Variants in MARCO observed in about 807,000 individuals in gnomAD.
The protein encoded by MARCO is macrophage receptor with collagenous structure.
A neutral mutation model predicts 70.0 loss-of-function variants in MARCO; 72 were observed. The observed-to-expected ratio is 1.03, with a 90% CI of 0.85 to 1.25. MARCO has a LOEUF of 1.25. Among genes scored for constraint, MARCO ranks in the 50% most tolerant of loss-of-function variants. MARCO has a pLI of 0.00. For synonymous variants in MARCO, 273 were observed against 243.1 expected, an observed-to-expected ratio of 1.12 and a Z score of -1.14; for missense variants, 696 against 659.3, an observed-to-expected ratio of 1.06 and a Z score of -0.61.
chr2:118,949,132 C>A (rs1679667678), intron 1 of MARCO, among the ~76,000 whole-genome samples: 1 of 152,108 alleles, frequency 6.6e-6, no homozygotes, highest in Non-Finnish European at 1.5e-5. Context: ...GGGTGTTGAA[C>A]TTCAGGAAAT....
chr2:118,990,054 T>C, intron 12 of MARCO, among the ~76,000 whole-genome samples: 1 of 152,172 alleles, frequency 6.6e-6, no homozygotes, highest in East Asian at 1.9e-4. Flanking sequence ...CTGTGGTTAT[T>C]ATTTTTCCAT....
intron 1 of MARCO, among the ~76,000 whole-genome samples, chr2:118,963,845 T>C (rs1445060364): frequency 6.6e-6 from 1 of 152,206 alleles, no homozygotes; most frequent in Non-Finnish European, 1.5e-5. Context: ...AGACCATTTA[T>C]ACCGAAAGTA....
intron 12 of MARCO, among the ~76,000 whole-genome samples, chr2:118,985,230 TG>T (rs1680461410): frequency 6.6e-6 from 1 of 152,202 alleles, no homozygotes; most frequent in African/African-American, 2.4e-5. Flanking sequence ...ATTCCAGAGT[TG>T]TGCTTTTCCA....
intron 6 of MARCO, among the ~76,000 whole-genome samples, chr2:118,975,149 G>T (rs890502158): frequency 6.6e-6 from 1 of 152,120 alleles, no homozygotes; most frequent in Non-Finnish European, 1.5e-5. Context: ...TAATATAAAT[G>T]GGTTCACGGG....
chr2:118,949,299 C>T (rs570809839), intron 1 of MARCO: 2 of 152,214 alleles, frequency 1.3e-5, no homozygotes, highest in South Asian at 4.1e-4. Flanking sequence ...GTAGCAGTCA[C>T]TTTTGTTTAA....
chr2:118,945,100 G>A (rs1679570691), intron 1 of MARCO, among the ~76,000 whole-genome samples: 1 of 152,116 alleles, frequency 6.6e-6, no homozygotes, highest in Non-Finnish European at 1.5e-5. Flanking sequence ...GTTGGCTTCT[G>A]TGGCCCTCAG....
Position 118,994,628 on chromosome 2 carries a change from G to A in MARCO, c.*108G>A, listed in dbSNP as rs1402936923. The A allele has an allele frequency of 1.8e-6, 2 of 1,116,960 alleles. No homozygotes were observed. The highest frequency in any genetic ancestry group is 3.1e-5 in the African/African-American group (2 of 63,846). The allele number at this position is 1,116,960 out of a possible 1,614,324, so 69.2% of individuals were successfully genotyped here. A position where few individuals can be genotyped will look rare whatever the true frequency, so the allele number is the denominator to read the frequency against. On this transcript the variant is annotated 3_prime_UTR_variant, in exon 17 of 17. Coordinates refer to ENST00000327097, the MANE Select transcript of MARCO (RefSeq NM_006770.4). ...TGGGGACAACTGAGCAGCCTCTGGA[G>A]AGGGGCCATTAATAAAGCTCAACAT...
At chr2:118,943,334 G>A (rs17180600) in intron 1 of MARCO, among the ~76,000 whole-genome samples, 10,817 of 152,280 alleles carry the variant, frequency 0.071, 518 homozygotes, top group Middle Eastern at 0.11. Context: ...ATAATCATTG[G>A]CTATTTAGAA....
intron 1 of MARCO, among the ~76,000 whole-genome samples, chr2:118,957,219 C>G (rs917375329): frequency 6.6e-6 from 1 of 151,736 alleles, no homozygotes; most frequent in African/African-American, 2.4e-5. Flanking sequence ...AAAATATAAA[C>G]AAAATTGATA....
chr2:118,951,931 G>A (rs539617857), intron 1 of MARCO, among the ~76,000 whole-genome samples: 17 of 148,546 alleles, frequency 1.1e-4, no homozygotes, highest in East Asian at 7.9e-4. Flanking sequence ...TTGTCTCTCC[G>A]CCTCTCTCTC....
chr2:118,954,953 T>G (rs1441665686), intron 1 of MARCO, among the ~76,000 whole-genome samples: 1 of 151,700 alleles, frequency 6.6e-6, no homozygotes, highest in Non-Finnish European at 1.5e-5. Context: ...TAACAGAACC[T>G]ACCCAAATGA....
intron 12 of MARCO, among the ~76,000 whole-genome samples, chr2:118,987,770 G>C (rs1188499075): frequency 2.0e-5 from 3 of 152,216 alleles, no homozygotes; most frequent in Admixed American, 2.0e-4. Context: ...AGTGACTCCG[G>C]TGGGACCTAG....
intron 3 of MARCO, 84 bp downstream of exon 3, chr2:118,970,422 C>A: frequency 9.2e-7 from 1 of 1,089,576 alleles, no homozygotes; most frequent in Non-Finnish European, 1.3e-6. Context: ...ATTAAGGACC[C>A]TGTCCAAGCA....
intron 16 of MARCO, 36 bp from the exon 17 acceptor site, chr2:118,994,351 C>T (rs1309705311): frequency 1.1e-5 from 17 of 1,613,484 alleles, no homozygotes; most frequent in Non-Finnish European, 1.4e-5. Context: ...CTAATCCTAC[C>T]CTTCTTCCTC....
rs181549730 is a variant in MARCO, at chr2:118,983,687, C to G, written c.1063+1277C>G. Among the ~76,000 whole-genome samples, 14 of 152,178 alleles carry G rather than the reference C, an allele frequency of 9.2e-5. No individual in the cohort carries two copies. In the East Asian group the frequency reaches 2.7e-3, roughly 29 times the overall value. Reference sequence around the variant, plus strand: ...CTTATAATTCCATCTTCTCTGGTCCCCAGTCTCAGAGTCCATCTGACTATG... The same window carrying G: ...CTTATAATTCCATCTTCTCTGGTCCGCAGTCTCAGAGTCCATCTGACTATG... On this transcript the variant is annotated intron_variant, in intron 12 of 16. Transcript: ENST00000327097.
intron 1 of MARCO, among the ~76,000 whole-genome samples, chr2:118,963,822 C>T (rs1477656426): frequency 1.3e-5 from 2 of 152,030 alleles, no homozygotes; most frequent in East Asian, 1.9e-4. Flanking sequence ...TGGCAATATC[C>T]GTCCTCTGAT....
chr2:118,962,205 C>A (rs1308757332), intron 1 of MARCO, among the ~76,000 whole-genome samples: 1 of 152,042 alleles, frequency 6.6e-6, no homozygotes, highest in Non-Finnish European at 1.5e-5. Flanking sequence ...TATACAAGCT[C>A]TTTTTTGGTT....
At chr2:118,977,786 A>G (rs564495744) in intron 7 of MARCO, 42 bp from the exon 8 acceptor site, 1 of 1,489,756 alleles carries the variant, frequency 6.7e-7, no homozygotes, top group African/African-American at 1.4e-5. Context: ...CTGTCCCCAA[A>G]AGGATAGTGG....
chr2:118,950,599 T>C (rs1679703538), intron 1 of MARCO, among the ~76,000 whole-genome samples: 1 of 152,258 alleles, frequency 6.6e-6, no homozygotes, highest in Admixed American at 6.5e-5. Context: ...GGAGGCCTAA[T>C]TACTTTTAAG....
Sources: gnomAD v4.1 joint callset for allele counts (sites outside exome capture counted in the v4.1 genomes callset) on GRCh38, gnomAD v4.1.1 for gene constraint, MANE v1.5 for transcripts, NCBI Gene and HGNC (gene_info 2026-07-23, HGNC 2026-07-21) for gene names.